CLEC16A: variants seen among roughly 807,000 people sequenced by gnomAD.
CLEC16A encodes protein CLEC16A.
In CLEC16A, 51 loss-of-function variants were observed where a neutral mutation model predicts 109.5. That is an observed-to-expected ratio of 0.47 (90% CI 0.37 to 0.59). The LOEUF is 0.59. CLEC16A is among the 20% of genes least tolerant of loss of function. The probability of loss-of-function intolerance (pLI) is 0.00; values close to 1 mark genes in which losing one functional copy is unlikely to be tolerated. For missense variants in CLEC16A, 1,339 were observed against 1,394.0 expected, an observed-to-expected ratio of 0.96 and a Z score of 0.63; for synonymous variants, 673 against 564.2, an observed-to-expected ratio of 1.19 and a Z score of -2.73.
intron 7 of CLEC16A, 45 bp from the exon 8 acceptor site, chr16:10,977,180 T>C: frequency 1.3e-6 from 2 of 1,584,384 alleles, no homozygotes; most frequent in South Asian, 1.1e-5. Context: ...GCTCAAAGGC[T>C]CCTAGTGTTG....
rs777522546 is a variant in CLEC16A at position 11,047,337 on chromosome 16, A to G, written c.1861A>G (p.Met621Val). 6.2e-7 allele frequency: 1 copy of G among 1,608,444 alleles called. No individual in the cohort carries two copies. The highest frequency in any genetic ancestry group is 8.5e-7 in the Non-Finnish European group (1 of 1,177,502). ...LDMFEDEYRSMTMKPMNVEYL... is the reference protein window; with the variant it reads ...LDMFEDEYRSVTMKPMNVEYL... ...CATGTTTGAAGATGAGTATAGGAGC[A>G]TGACAGTAAGTGAGGGGCTGGGACA... Residue 621 changes from methionine to valine, a missense_variant, in exon 17 of 24, where the codon ATG becomes GTG. Physicochemically the swap from Met to Val is conservative, Grantham distance 21. Coordinates refer to ENST00000409790, the MANE Select transcript of CLEC16A (RefSeq NM_015226.3).
intron 11 of CLEC16A, among the ~76,000 whole-genome samples, chr16:11,018,590 A>G (rs1033998275): frequency 6.6e-6 from 1 of 152,080 alleles, no homozygotes; most frequent in Non-Finnish European, 1.5e-5. Context: ...TGTAATAAAA[A>G]TACAAAAGAT....
At chr16:10,963,734 C>T (rs1355647127) in intron 3 of CLEC16A, among the ~76,000 whole-genome samples, 1 of 152,208 alleles carries the variant, frequency 6.6e-6, no homozygotes, top group East Asian at 1.9e-4. Flanking sequence ...CAGGCGCCAG[C>T]TCTAGCAAAG....
Position 11,166,520 on chromosome 16 carries a change from C to T in CLEC16A, c.2774C>T (p.Ser925Phe). The T allele has an allele frequency of 6.2e-7, 1 of 1,606,798 alleles. No homozygotes were observed. The highest frequency in any genetic ancestry group is 8.5e-7 in the Non-Finnish European group (1 of 1,178,346). The change falls in exon 23 of 24, where the codon TCC (serine) becomes TTC (phenylalanine). Residue 925 changes from serine to phenylalanine, a missense_variant. Transcript: ENST00000409790. Reference sequence around the variant, plus strand: ...TGCGACTCTGGAGGCACCAGCTCGTCCTCCACCCCCTCCACAGCCCAGAGT... The same window carrying T: ...TGCGACTCTGGAGGCACCAGCTCGTTCTCCACCCCCTCCACAGCCCAGAGT... ...SHCDSGGTSS[S>F]STPSTAQSPA...
In CLEC16A at chr16:11,086,966, C is replaced by T. The variant is rs117566216; in HGVS notation, c.2116+25944C>T. Among the ~76,000 whole-genome samples the T allele has an allele frequency of 1.1e-3, 169 of 152,282 alleles. No individual in the cohort carries two copies. The East Asian group carries it at 0.029, about 26-fold the overall frequency. ...CTCCAGCACCACCTGAGATGTTTGC[C>T]GTGTCAGAGAACCAACCTTGTGATC... On this transcript the variant is annotated intron_variant, in intron 19 of 23. Transcript: ENST00000409790.
chr16:11,027,776 AAACTGC>A, intron 13 of CLEC16A: 1 of 1,127,176 alleles, frequency 8.9e-7, no homozygotes, highest in East Asian at 2.4e-5. Context: ...CCCAGGTGCC[AAACTGC>A]AGTATATTTT....
chr16:11,013,734 A>T (rs2045577334), intron 11 of CLEC16A, among the ~76,000 whole-genome samples: 1 of 151,752 alleles, frequency 6.6e-6, no homozygotes, highest in Non-Finnish European at 1.5e-5. Flanking sequence ...ACTCCAGCCT[A>T]GGCGATGGAG....
chr16:10,951,263 A>G (rs1292998114), intron 1 of CLEC16A, among the ~76,000 whole-genome samples: 2 of 152,200 alleles, frequency 1.3e-5, no homozygotes, highest in African/African-American at 2.4e-5. Flanking sequence ...GCATCTGCAG[A>G]GCTCCTGCTG....
intron 10 of CLEC16A, among the ~76,000 whole-genome samples, chr16:10,985,396 TC>T (rs1470845395): frequency 2.6e-5 from 4 of 152,060 alleles, no homozygotes; most frequent in Admixed American, 6.5e-5. Context: ...GAAGATCTGG[TC>T]CCCATCAATG....
At chr16:10,986,776 C>T (rs1205971613) in intron 10 of CLEC16A, among the ~76,000 whole-genome samples, 1 of 135,908 alleles carries the variant, frequency 7.4e-6, no homozygotes, top group Non-Finnish European at 1.5e-5. Context: ...AAGAAATATA[C>T]CACATTTTCT....
chr16:11,001,505 G>T (rs185728310), intron 10 of CLEC16A, among the ~76,000 whole-genome samples: 184 of 152,310 alleles, frequency 1.2e-3, no homozygotes, highest in African/African-American at 3.9e-3. Flanking sequence ...TTCAAATTCT[G>T]ACTCCAACTC....
chr16:11,087,878 C>G (rs2050095773), intron 19 of CLEC16A, among the ~76,000 whole-genome samples: 1 of 152,238 alleles, frequency 6.6e-6, no homozygotes, highest in Admixed American at 6.5e-5. Flanking sequence ...GAGGCCTACC[C>G]AGTTTGAGGC....
chr16:11,015,564 G>A (rs1190634773), intron 11 of CLEC16A, among the ~76,000 whole-genome samples: 2 of 152,178 alleles, frequency 1.3e-5, no homozygotes, highest in Non-Finnish European at 2.9e-5. Flanking sequence ...CCCTTTCCTG[G>A]AGCAGCTCTG....
At chr16:11,027,799 A>T (rs1303007962) in intron 13 of CLEC16A, 25 of 870,282 alleles carry the variant, frequency 2.9e-5, no homozygotes, top group Admixed American at 1.2e-4. Context: ...TTTTTGATCA[A>T]TGAAGTGGAA....
intron 18 of CLEC16A, among the ~76,000 whole-genome samples, chr16:11,055,574 G>GTTTTT (rs2048168747): frequency 1.9e-5 from 1 of 53,368 alleles, no homozygotes; most frequent in Non-Finnish European, 3.3e-5. Flanking sequence ...TTTCCCTCTT[G>GTTTTT]CTTTTTTTTT....
chr16:11,126,596 A>C, intron 22 of CLEC16A: 1 of 332,006 alleles, frequency 3.0e-6, no homozygotes, highest in Non-Finnish European at 5.4e-6. Flanking sequence ...CTCCTTCCAT[A>C]TGAGGGCGTC....
chr16:11,071,986 G>T (rs1427763920), intron 19 of CLEC16A, among the ~76,000 whole-genome samples: 2 of 152,066 alleles, frequency 1.3e-5, no homozygotes, highest in Non-Finnish European at 2.9e-5. Flanking sequence ...TAGGGGTAAA[G>T]TGTCTGATGC....
At chr16:11,163,651 A>C (rs1339493601) in intron 22 of CLEC16A, among the ~76,000 whole-genome samples, 1 of 152,166 alleles carries the variant, frequency 6.6e-6, no homozygotes. Flanking sequence ...TTTGATAATA[A>C]ACCAGGTTTA....
intron 16 of CLEC16A, among the ~76,000 whole-genome samples, chr16:11,046,639 A>G (rs907157258): frequency 6.6e-6 from 1 of 152,170 alleles, no homozygotes; most frequent in Admixed American, 6.5e-5. Flanking sequence ...AACTCATTTC[A>G]TCTTCACAAT....
Sources: gnomAD v4.1 joint callset for allele counts (sites outside exome capture counted in the v4.1 genomes callset) on GRCh38, gnomAD v4.1.1 for gene constraint, MANE v1.5 for transcripts, NCBI Gene and HGNC (gene_info 2026-07-23, HGNC 2026-07-21) for gene names.